The following RPL8 variants were observed in gnomAD, a reference collection of about 807,000 sequenced individuals.
RPL8 encodes the protein large ribosomal subunit protein uL2.
For missense variants in RPL8, 248 were observed against 365.9 expected, an observed-to-expected ratio of 0.68 and a Z score of 2.63; for synonymous variants, 182 against 143.2, an observed-to-expected ratio of 1.27 and a Z score of -1.94.
chr8:144,792,180 G>C lies in RPL8; in HGVS notation c.-51C>G, dbSNP rs985037923. On this transcript the variant is annotated 5_prime_UTR_variant, in exon 1 of 5. Coordinates refer to ENST00000528957, the MANE Select transcript of RPL8 (RefSeq NM_001317782.2). The stretch of plus-strand genomic sequence containing the variant: ...CGATTAGCGCGGCCGGGCGGCCCGG[G>C]TACCCCCGCCAGCCCGGCTTTCCGG... 7.0e-7 allele frequency: 1 copy of C among 1,437,988 alleles called. No homozygotes were observed. Among genetic ancestry groups the C allele is most frequent in the Non-Finnish European group, 9.1e-7 (1 of 1,104,372 alleles). 89.1% of individuals were successfully genotyped at this position (1,437,988 alleles called of 1,614,324 possible). A position where few individuals can be genotyped will look rare whatever the true frequency, so the allele number is the denominator to read the frequency against.
chr8:144,792,293 G>A lies in RPL8; in HGVS notation c.-164C>T. The A allele has an allele frequency of 1.9e-6, 2 of 1,054,834 alleles. No homozygotes were observed. The highest frequency in any genetic ancestry group is 1.3e-6 in the Non-Finnish European group (1 of 796,612). 65.3% of individuals were successfully genotyped at this position (1,054,834 alleles called of 1,614,324 possible). A position where few individuals can be genotyped will look rare whatever the true frequency, so the allele number is the denominator to read the frequency against. Reference sequence around the variant, plus strand: ...GCATCCTCTCAGGAGGGCCGGTCCGGGTCTCAGCGCGCCTCACGGAAGAGG... The same window carrying A: ...GCATCCTCTCAGGAGGGCCGGTCCGAGTCTCAGCGCGCCTCACGGAAGAGG... On this transcript the variant is annotated 5_prime_UTR_variant, in exon 1 of 5. Coordinates refer to ENST00000528957, the MANE Select transcript of RPL8 (RefSeq NM_001317782.2).
chr8:144,791,299 G>A lies in RPL8; in HGVS notation c.477C>T (p.Ser159=), dbSNP rs142387618. Residue 159 remains serine, a synonymous_variant, in exon 3 of 5, where the codon TCC becomes TCT. Coordinates refer to ENST00000528957, the MANE Select transcript of RPL8 (RefSeq NM_001317782.2). ...CACCAACCACAGCTCTGTTGGCTGA[G>A]GAGATAACCTTCTTGGAGCCGGAGG... The part of the protein sequence containing the change: ...KLPSGSKKVI[S]SANRAVVGVV... The A allele has an allele frequency of 3.0e-5, 48 of 1,611,854 alleles. No homozygotes were observed. In the South Asian group the frequency reaches 3.8e-4, roughly 13 times the overall value.
rs771676790 is a variant in RPL8, at chr8:144,791,293, G to A, written c.483C>T (p.Ala161=). The change falls in exon 3 of 5, where the codon GCC becomes GCT. Residue 161 remains alanine, a synonymous_variant. Transcript: ENST00000528957. ...GATACTCACCAACCACAGCTCTGTT[G>A]GCTGAGGAGATAACCTTCTTGGAGC... ...PSGSKKVISS[A]NRAVVGVVAG... is the part of the protein sequence containing the mutation. 6.2e-7 allele frequency: 1 copy of A among 1,611,612 alleles called. No homozygotes were observed. The highest frequency in any genetic ancestry group is 1.1e-5 in the South Asian group (1 of 90,998).
chr8:144,791,559 A>C (rs1826518396), intron 2 of RPL8, 64 bp from the exon 3 acceptor site: 1 of 1,555,668 alleles, frequency 6.4e-7, no homozygotes, highest in African/African-American at 1.4e-5. Flanking sequence ...CCCTCGCTCT[A>C]GGCAACCCGC....
intron 2 of RPL8, 103 bp downstream of exon 2, chr8:144,791,670 G>A (rs970208799): frequency 2.4e-5 from 37 of 1,566,930 alleles, no homozygotes; most frequent in African/African-American, 2.3e-4. Flanking sequence ...CCCACCTGAA[G>A]CTTCTGCCTG....
chr8:144,792,149 G>T lies in RPL8; in HGVS notation c.-20C>A. 1 of 1,485,234 alleles carries T rather than the reference G, an allele frequency of 6.7e-7. No individual in the cohort carries two copies. The allele number at this position is 1,485,234 out of a possible 1,614,324, so 92.0% of individuals were successfully genotyped here. A position where few individuals can be genotyped will look rare whatever the true frequency, so the allele number is the denominator to read the frequency against. ...GCCCATGGCGACGGGTCCTGGGGGCGACTCACGATTAGCGCGGCCGGGCGG... is the reference window on the plus strand; with the variant it reads ...GCCCATGGCGACGGGTCCTGGGGGCTACTCACGATTAGCGCGGCCGGGCGG... On this transcript the variant is annotated 5_prime_UTR_variant, in exon 1 of 5. Coordinates refer to ENST00000528957, the MANE Select transcript of RPL8 (RefSeq NM_001317782.2).
chr8:144,790,743 A>T (rs758774245), intron 3 of RPL8: 2 of 652,096 alleles, frequency 3.1e-6, no homozygotes, highest in Non-Finnish European at 5.7e-6. Context: ...CATGTGTGAG[A>T]CGTCAGGCCG....
intron 2 of RPL8, 95 bp downstream of exon 2, chr8:144,791,678 C>A: frequency 6.3e-7 from 1 of 1,579,112 alleles, no homozygotes; most frequent in South Asian, 1.2e-5. Flanking sequence ...AAGCTTCTGC[C>A]TGCGAGGTTC....
At chr8:144,790,807 C>G (rs553537488) in intron 3 of RPL8, 2 of 571,052 alleles carry the variant, frequency 3.5e-6, no homozygotes, top group African/African-American at 1.8e-5. Context: ...CTCAGCTTTA[C>G]TTATTCCAGG....
At chr8:144,790,043 C>T (rs1488302548) in intron 4 of RPL8, 81 bp from the exon 5 acceptor site, 6 of 1,465,886 alleles carry the variant, frequency 4.1e-6, no homozygotes. Context: ...CCGTCAGGGG[C>T]CCAATTCCGC....
chr8:144,791,189 G>A lies in RPL8; in HGVS notation c.499+88C>T, dbSNP rs564141388. On this transcript the variant is annotated intron_variant, in intron 3 of 4. Transcript: ENST00000528957. ...TAGAACAACAGGTAATCGAATTCCA[G>A]GGACCAAGTCTAGCCACTGGCTGTC... 384 of 1,328,272 alleles carry A rather than the reference G, an allele frequency of 2.9e-4. 2 individuals are homozygous for A. Among genetic ancestry groups the A allele is most frequent in the African/African-American group, 1.7e-3 (119 of 68,886 alleles). 82.3% of individuals were successfully genotyped at this position (1,328,272 alleles called of 1,614,324 possible). A position where few individuals can be genotyped will look rare whatever the true frequency, so the allele number is the denominator to read the frequency against.
At chr8:144,790,977 A>G in intron 3 of RPL8, 1 of 487,276 alleles carries the variant, frequency 2.1e-6, no homozygotes. Flanking sequence ...CTTCTCTAAA[A>G]AGGCTGTTAA....
chr8:144,791,995 G>C lies in RPL8; in HGVS notation c.135C>G (p.Val45=), dbSNP rs11539888. ...CGCCCCGGCCAGCGTTCCGCACCTTGACGATGCCCTTGATGTAGCCGTGCC... is the reference window on the plus strand; with the variant it reads ...CGCCCCGGCCAGCGTTCCGCACCTTCACGATGCCCTTGATGTAGCCGTGCC... The part of the protein sequence containing the change: ...AERHGYIKGI[V]KDIIHDPGRG... The change falls in exon 1 of 5, where the codon GTC becomes GTG. Residue 45 remains valine, a synonymous_variant. Coordinates refer to ENST00000528957, the MANE Select transcript of RPL8 (RefSeq NM_001317782.2). The C allele has an allele frequency of 3.7e-6, 6 of 1,608,958 alleles. No individual in the cohort carries two copies. Among genetic ancestry groups the C allele is most frequent in the Non-Finnish European group, 5.1e-6 (6 of 1,177,670 alleles).
Position 144,792,286 on chromosome 8 carries a change from C to T in RPL8, c.-157G>A. ...CGCACCGGCATCCTCTCAGGAGGGC[C>T]GGTCCGGGTCTCAGCGCGCCTCACG... On this transcript the variant is annotated 5_prime_UTR_variant, in exon 1 of 5. Transcript: ENST00000528957. 1 of 1,093,632 alleles carries T rather than the reference C, an allele frequency of 9.1e-7. No homozygotes were observed. Among genetic ancestry groups the T allele is most frequent in the Admixed American group, 4.1e-5 (1 of 24,528 alleles). 67.7% of individuals were successfully genotyped at this position (1,093,632 alleles called of 1,614,324 possible).
intron 3 of RPL8, 102 bp downstream of exon 3, chr8:144,791,175 G>T: frequency 8.6e-7 from 1 of 1,157,376 alleles, no homozygotes; most frequent in Non-Finnish European, 1.3e-6. Context: ...AGAACAACAG[G>T]TAATCGAATT....
In RPL8 at chr8:144,792,141, C is replaced by T. The variant is rs974708846; in HGVS notation, c.-12G>A. ...ATCACACGGCCCATGGCGACGGGTCCTGGGGGCGACTCACGATTAGCGCGG... is the reference window on the plus strand; with the variant it reads ...ATCACACGGCCCATGGCGACGGGTCTTGGGGGCGACTCACGATTAGCGCGG... On this transcript the variant is annotated 5_prime_UTR_variant, in exon 1 of 5. Coordinates refer to ENST00000528957, the MANE Select transcript of RPL8 (RefSeq NM_001317782.2). 2.0e-6 allele frequency: 3 copies of T among 1,490,648 alleles called. No individual in the cohort carries two copies. Among genetic ancestry groups the T allele is most frequent in the African/African-American group, 1.5e-5 (1 of 68,812 alleles). 92.3% of individuals were successfully genotyped at this position (1,490,648 alleles called of 1,614,324 possible).
rs768400733 is a variant in RPL8 at position 144,791,755 on chromosome 8, C to T, written c.280+18G>A. The stretch of plus-strand genomic sequence containing the variant: ...ACCCCTCCCCACCCCGACCTTCCTT[C>T]CCCGCCGCGATGCTAACCCTTCTTG... On this transcript the variant is annotated intron_variant, in intron 2 of 4. Transcript: ENST00000528957. The T allele has an allele frequency of 1.9e-6, 3 of 1,612,530 alleles. No homozygotes were observed. Among genetic ancestry groups the T allele is most frequent in the Non-Finnish European group, 1.7e-6 (2 of 1,179,528 alleles).
At chr8:144,791,070 C>A in intron 3 of RPL8, 3 of 596,618 alleles carry the variant, frequency 5.0e-6, no homozygotes, top group Non-Finnish European at 8.9e-6. Flanking sequence ...TCATTTAACG[C>A]CTCAACAGCA....
At chr8:144,790,035 G>C in intron 4 of RPL8, 73 bp from the exon 5 acceptor site, 16 of 1,466,644 alleles carry the variant, frequency 1.1e-5, no homozygotes, top group Non-Finnish European at 1.5e-5. Flanking sequence ...GGTCCCACCC[G>C]TCAGGGGCCC....
Sources: allele counts gnomAD v4.1 joint callset, GRCh38; gene constraint gnomAD v4.1.1; transcripts MANE v1.5; gene names NCBI Gene and HGNC (gene_info 2026-07-23, HGNC 2026-07-21).